PAIP2: variants seen among roughly 807,000 people sequenced by gnomAD.
The protein encoded by PAIP2 is poly(A) binding protein interacting protein 2.
In PAIP2, 7 loss-of-function variants were observed where a neutral mutation model predicts 14.8. The observed-to-expected ratio is 0.47, with a 90% confidence interval of 0.27 to 0.89. PAIP2 has a LOEUF of 0.89. PAIP2 is among the 40% of genes least tolerant of loss of function. The pLI is 0.13. For synonymous variants in PAIP2, 47 were observed against 45.3 expected, an observed-to-expected ratio of 1.04 and a Z score of -0.15; for missense variants, 122 against 154.7, an observed-to-expected ratio of 0.79 and a Z score of 1.12.
rs372517123 is a variant in PAIP2, at chr5:139,368,805, G to A, written c.*7G>A. 50 of 1,602,906 alleles carry A rather than the reference G, an allele frequency of 3.1e-5. No individual in the cohort carries two copies. Among genetic ancestry groups the A allele is most frequent in the Non-Finnish European group, 4.0e-5 (47 of 1,170,186 alleles). On this transcript the variant is annotated 3_prime_UTR_variant, in exon 4 of 4. Coordinates refer to ENST00000265192, the MANE Select transcript of PAIP2 (RefSeq NM_016480.5). ...GAAGTACGGAAATATTTGAGTAGAC[G>A]GGGCCCTCTTTTGGTGGATGTAGCA...
intron 3 of PAIP2, among the ~76,000 whole-genome samples, chr5:139,365,777 C>G (rs1757216865): frequency 6.6e-6 from 1 of 152,194 alleles, no homozygotes; most frequent in African/African-American, 2.4e-5. Context: ...GGACTTCTAG[C>G]CCCTGCTTTT....
intron 1 of PAIP2, among the ~76,000 whole-genome samples, chr5:139,360,224 C>A (rs753171447): frequency 6.6e-6 from 1 of 152,064 alleles, no homozygotes; most frequent in African/African-American, 2.4e-5. Flanking sequence ...CTTGGCCTCC[C>A]AAAGTGTTGG....
chr5:139,366,729 T>C (rs1757269713), intron 3 of PAIP2, among the ~76,000 whole-genome samples: 4 of 152,226 alleles, frequency 2.6e-5, no homozygotes, highest in Admixed American at 6.5e-5. Context: ...GATATTACTT[T>C]GTTTCATTCT....
At chr5:139,364,440 TAGCATGG>T in intron 2 of PAIP2, 117 bp from the exon 3 acceptor site, 1 of 566,582 alleles carries the variant, frequency 1.8e-6, no homozygotes, top group Non-Finnish European at 3.0e-6. Context: ...TTTTTTTCCT[TAGCATGG>T]AAGCAGAAAA....
intron 3 of PAIP2, among the ~76,000 whole-genome samples, chr5:139,368,356 A>G (rs114317449): frequency 6.6e-6 from 1 of 151,292 alleles, no homozygotes; most frequent in African/African-American, 2.4e-5. Flanking sequence ...AAAAAACTAA[A>G]TAAATAAATA....
intron 1 of PAIP2, among the ~76,000 whole-genome samples, chr5:139,358,971 T>C (rs1013466004): frequency 2.6e-5 from 4 of 152,160 alleles, no homozygotes; most frequent in African/African-American, 9.7e-5. Context: ...TCAAACACTT[T>C]AAAACAGTAA....
intron 1 of PAIP2, among the ~76,000 whole-genome samples, chr5:139,356,255 G>A (rs1028384971): frequency 9.2e-5 from 14 of 151,760 alleles, no homozygotes; most frequent in African/African-American, 3.4e-4. Context: ...AGACTAGCCT[G>A]ACCAACATGG....
chr5:139,359,014 G>T (rs1234123232), intron 1 of PAIP2, among the ~76,000 whole-genome samples: 2 of 152,106 alleles, frequency 1.3e-5, no homozygotes, highest in African/African-American at 4.8e-5. Flanking sequence ...TTGCTCTGTT[G>T]CCCAGGCTGG....
At chr5:139,347,235 T>A (rs1370799049) in intron 1 of PAIP2, among the ~76,000 whole-genome samples, 1 of 151,368 alleles carries the variant, frequency 6.6e-6, no homozygotes, top group Non-Finnish European at 1.5e-5. Context: ...ATTTTTTTTT[T>A]AGCACATTTA....
intron 1 of PAIP2, among the ~76,000 whole-genome samples, chr5:139,347,772 A>G (rs1349313367): frequency 6.6e-6 from 1 of 151,930 alleles, no homozygotes; most frequent in Non-Finnish European, 1.5e-5. Context: ...TGGTACATCC[A>G]TAAAAAAAAA....
intron 1 of PAIP2, among the ~76,000 whole-genome samples, chr5:139,349,533 C>T (rs934058977): frequency 8.5e-5 from 13 of 152,180 alleles, no homozygotes; most frequent in African/African-American, 3.1e-4. Flanking sequence ...AGGCATGAGC[C>T]ACTGCCTCCT....
intron 3 of PAIP2, chr5:139,367,085 T>A (rs528246344): frequency 1.3e-5 from 2 of 152,306 alleles, no homozygotes; most frequent in African/African-American, 4.8e-5. Context: ...GAATGCTGCT[T>A]TTTTTTCTTA....
intron 1 of PAIP2, among the ~76,000 whole-genome samples, chr5:139,351,758 A>G (rs1756741475): frequency 6.6e-6 from 1 of 151,960 alleles, no homozygotes; most frequent in East Asian, 1.9e-4. Context: ...ATCATGGTTC[A>G]AGTAATCCTC....
chr5:139,359,229 T>G (rs942787262), intron 1 of PAIP2, among the ~76,000 whole-genome samples: 1 of 152,108 alleles, frequency 6.6e-6, no homozygotes. Context: ...CTCTACCTCC[T>G]GGGTTCAAGT....
intron 1 of PAIP2, among the ~76,000 whole-genome samples, chr5:139,362,242 G>T (rs1220961248): frequency 1.3e-5 from 2 of 151,844 alleles, no homozygotes; most frequent in African/African-American, 4.8e-5. Flanking sequence ...GTTGTTTGAG[G>T]TGGAGTTTCC....
At chr5:139,344,876 T>C (rs566740170) in intron 1 of PAIP2, among the ~76,000 whole-genome samples, 1 of 152,040 alleles carries the variant, frequency 6.6e-6, no homozygotes, top group Non-Finnish European at 1.5e-5. Context: ...AAATATTTAA[T>C]CACCGAGATA....
chr5:139,349,958 C>T (rs370030045), intron 1 of PAIP2, among the ~76,000 whole-genome samples: 1 of 151,850 alleles, frequency 6.6e-6, no homozygotes, highest in African/African-American at 2.4e-5. Context: ...TCCGAGATTG[C>T]GCCACTACAC....
chr5:139,347,337 G>A (rs1181927194), intron 1 of PAIP2, among the ~76,000 whole-genome samples: 3 of 143,258 alleles, frequency 2.1e-5, no homozygotes, highest in Non-Finnish European at 3.0e-5. Flanking sequence ...GCAGTGGCGC[G>A]ATCTTGGCTC....
intron 1 of PAIP2, among the ~76,000 whole-genome samples, chr5:139,363,494 GA>G (rs1757132009): frequency 6.6e-6 from 1 of 152,130 alleles, no homozygotes. Context: ...GCTTGGGTGG[GA>G]GGATCACTTG....
Sources: allele counts gnomAD v4.1 joint callset (sites outside exome capture counted in the v4.1 genomes callset), GRCh38; gene constraint gnomAD v4.1.1; transcripts MANE v1.5; gene names NCBI Gene and HGNC (gene_info 2026-07-23, HGNC 2026-07-21).